Variants in CEP83 observed in about 807,000 individuals in gnomAD.
CEP83 encodes the protein centrosomal protein of 83 kDa.
A neutral mutation model predicts 101.9 loss-of-function variants in CEP83; 70 were observed. The ratio of observed to expected loss-of-function variants is 0.69; its 90% CI spans 0.57 to 0.84. The LOEUF is 0.84. Among genes scored for constraint, CEP83 ranks in the 40% least tolerant of loss-of-function variants. The probability of loss-of-function intolerance (pLI) is 0.00; values close to 1 mark genes in which losing one functional copy is unlikely to be tolerated. For missense variants in CEP83, 715 were observed against 787.2 expected, an observed-to-expected ratio of 0.91 and a Z score of 1.10; for synonymous variants, 264 against 267.9, an observed-to-expected ratio of 0.99 and a Z score of 0.14.
In CEP83 at chr12:94,378,875, C is replaced by A; in HGVS notation, c.717G>T (p.Glu239Asp). Residue 239 changes from glutamate to aspartate, a missense_variant, in exon 7 of 17, where the codon GAG (glutamate) becomes GAT (aspartate). Coordinates refer to ENST00000397809, the MANE Select transcript of CEP83 (RefSeq NM_016122.3). The stretch of plus-strand genomic sequence containing the variant: ...CATTTTCCACCTGAGCCTCAGAATT[C>A]TCCTTTTCAGCCTTTAATTCCGCTA... ...AEVAELKAEK[E>D]NSEAQVENAQ... is the part of the protein sequence containing the mutation. The A allele has an allele frequency of 6.2e-7, 1 of 1,614,078 alleles. No homozygotes were observed. The highest frequency in any genetic ancestry group is 8.5e-7 in the Non-Finnish European group (1 of 1,179,980).
At chr12:94,335,088 G>T (rs2059395057) in intron 12 of CEP83, among the ~76,000 whole-genome samples, 1 of 151,996 alleles carries the variant, frequency 6.6e-6, no homozygotes, top group South Asian at 2.1e-4. Context: ...ATTCAGAAAA[G>T]ATCACTCTTC....
intron 2 of CEP83, among the ~76,000 whole-genome samples, chr12:94,430,815 T>C (rs912165795): frequency 3.9e-5 from 6 of 152,214 alleles, no homozygotes; most frequent in African/African-American, 1.4e-4. Context: ...AAGCACGTTA[T>C]AGTCAAACTG....
In CEP83 at chr12:94,403,177, A is replaced by G. The variant is rs763352069; in HGVS notation, c.410T>C (p.Leu137Pro). 5.3e-6 allele frequency: 8 copies of G among 1,509,682 alleles called. No individual in the cohort carries two copies. The highest frequency in any genetic ancestry group is 3.4e-5 in the South Asian group (3 of 87,856). 93.5% of individuals were successfully genotyped at this position (1,509,682 alleles called of 1,614,324 possible). Residue 137 changes from leucine to proline, a missense_variant, in exon 5 of 17, where the codon CTA becomes CCA. Transcript: ENST00000397809. ...ACAACATAAGTTACTTACTTCATCTAGATTCCTAAAACGTTCTCTCATTGG... is the reference window on the plus strand; with the variant it reads ...ACAACATAAGTTACTTACTTCATCTGGATTCCTAAAACGTTCTCTCATTGG... ...ETPMRERFRN[L>P]DEEVEKYRAV...
intron 6 of CEP83, among the ~76,000 whole-genome samples, chr12:94,397,384 G>C (rs931616750): frequency 9.9e-5 from 15 of 152,086 alleles, no homozygotes; most frequent in Non-Finnish European, 2.1e-4. Context: ...CTGAATCCCA[G>C]CTACTCGGGA....
intron 1 of CEP83, among the ~76,000 whole-genome samples, chr12:94,438,296 G>A (rs1372451458): frequency 1.3e-5 from 2 of 151,416 alleles, no homozygotes; most frequent in Admixed American, 6.6e-5. Flanking sequence ...GCCTTCAAGA[G>A]ACTCACCTAA....
chr12:94,445,294 A>C (rs1594112319), intron 1 of CEP83, among the ~76,000 whole-genome samples: 1 of 139,116 alleles, frequency 7.2e-6, no homozygotes, highest in Non-Finnish European at 1.6e-5. Context: ...CACACACACA[A>C]AGAACTTCAA....
the CEP83 span, among the ~76,000 whole-genome samples, chr12:94,291,188 C>T: frequency 6.6e-6 from 1 of 152,200 alleles, no homozygotes; most frequent in Non-Finnish European, 1.5e-5. Context: ...AGAGGCCTGC[C>T]TTTGTCAAAT....
At chr12:94,418,247 G>T (rs1476455025) in intron 2 of CEP83, among the ~76,000 whole-genome samples, 1 of 152,108 alleles carries the variant, frequency 6.6e-6, no homozygotes, top group Non-Finnish European at 1.5e-5. Context: ...CTGTAGTCCA[G>T]CTACTCAGGA....
At chr12:94,377,326 C>T (rs145885029) in intron 7 of CEP83, among the ~76,000 whole-genome samples, 24 of 152,234 alleles carry the variant, frequency 1.6e-4, no homozygotes, top group Middle Eastern at 6.8e-3. Context: ...AACTGTGGCT[C>T]AGTGCAGCTA....
At chr12:94,443,581 C>G (rs1019926642) in intron 1 of CEP83, among the ~76,000 whole-genome samples, 10 of 152,082 alleles carry the variant, frequency 6.6e-5, no homozygotes, top group Admixed American at 2.0e-4. Context: ...CAACCTCCGT[C>G]CCGCGGGTTC....
At position 94,309,982 on chromosome 12, in the gene CEP83, G is replaced by A. The variant is rs1456934142; in HGVS notation, c.1937C>T (p.Pro646Leu). 1 of 1,612,020 alleles carries A rather than the reference G, an allele frequency of 6.2e-7. No individual in the cohort carries two copies. Among genetic ancestry groups the A allele is most frequent in the Admixed American group, 1.7e-5 (1 of 59,938 alleles). The change falls in exon 16 of 17, where the codon CCT becomes CTT. Residue 646 changes from proline (P) to leucine (L), a missense_variant. By Grantham distance (98) the Pro-to-Leu change is moderately conservative. Coordinates refer to ENST00000397809, the MANE Select transcript of CEP83 (RefSeq NM_016122.3). ...CATGGCTGATGACTGAAAGCTAACA[G>A]GATTGATAGATGCTGTTGGAGGCAT... is the stretch of plus-strand genomic sequence containing the variant. ...PNMPPTASIN[P>L]VSFQSSAMVP...
chr12:94,274,155 TA>T, the CEP83 span, among the ~76,000 whole-genome samples: 4,385 of 44,948 alleles, frequency 0.098, 118 homozygotes, highest in Non-Finnish European at 0.12. Context: ...ACCCTGTCTC[TA>T]AAAAAAAAAA....
the CEP83 span, among the ~76,000 whole-genome samples, chr12:94,299,083 G>T: frequency 6.6e-6 from 1 of 152,158 alleles, no homozygotes; most frequent in Admixed American, 6.5e-5. Flanking sequence ...TAAAGAATGA[G>T]AAATTAACAT....
chr12:94,274,226 TATG>T, the CEP83 span, among the ~76,000 whole-genome samples: 3 of 143,974 alleles, frequency 2.1e-5, no homozygotes, highest in Non-Finnish European at 4.5e-5. Flanking sequence ...TAGTCTCTGC[TATG>T]TGGGAGGCTG....
the CEP83 span, among the ~76,000 whole-genome samples, chr12:94,281,598 A>G: frequency 2.2e-5 from 2 of 89,312 alleles, no homozygotes; most frequent in Non-Finnish European, 4.5e-5. Context: ...TTTAAAAAAA[A>G]TTTTATAGAG....
chr12:94,354,894 C>T (rs1049242559), intron 11 of CEP83, among the ~76,000 whole-genome samples: 4 of 152,006 alleles, frequency 2.6e-5, no homozygotes, highest in Non-Finnish European at 5.9e-5. Flanking sequence ...CCTTGCTACT[C>T]GGGAGGCTGA....
At chr12:94,401,026 T>C (rs2063222794) in intron 5 of CEP83, 45 bp from the exon 6 acceptor site, 2 of 1,118,810 alleles carry the variant, frequency 1.8e-6, no homozygotes, top group Non-Finnish European at 2.4e-6. Flanking sequence ...ACAAAATTCG[T>C]ACTCACTCCA....
At chr12:94,377,760 T>G (rs1276399434) in intron 7 of CEP83, among the ~76,000 whole-genome samples, 1 of 152,202 alleles carries the variant, frequency 6.6e-6, no homozygotes, top group African/African-American at 2.4e-5. Flanking sequence ...CAGGACTGTA[T>G]GCTATATTCA....
intron 6 of CEP83, among the ~76,000 whole-genome samples, chr12:94,399,551 G>GT (rs1464725770): frequency 1.3e-5 from 2 of 152,162 alleles, no homozygotes; most frequent in African/African-American, 4.8e-5. Context: ...CTCTACAAGA[G>GT]TTTTTGTATT....
Sources: gnomAD v4.1 joint callset for allele counts (sites outside exome capture counted in the v4.1 genomes callset) on GRCh38, gnomAD v4.1.1 for gene constraint, MANE v1.5 for transcripts, NCBI Gene and HGNC (gene_info 2026-07-23, HGNC 2026-07-21) for gene names.